Variants in SUN1 observed in about 807,000 individuals in gnomAD.
SUN1 encodes the protein SUN domain-containing protein 1.
In SUN1, 61 loss-of-function variants were observed where a neutral mutation model predicts 103.2. That is an observed-to-expected ratio of 0.59 (90% CI 0.48 to 0.73). The LOEUF (loss-of-function observed/expected upper bound fraction) is 0.73, where lower values mean the gene tolerates loss of function less well. Ranked by LOEUF, SUN1 falls within the 30% of genes least tolerant of loss-of-function variation. The pLI is 0.00. For missense variants in SUN1, 1,052 were observed against 1,034.6 expected (o/e 1.02, Z -0.23); for synonymous variants, 490 against 425.7 (o/e 1.15, Z -1.86).
At chr7:842,955 T>C in intron 3 of SUN1, 1 of 610,150 alleles carries the variant, frequency 1.6e-6, no homozygotes, top group Non-Finnish European at 2.9e-6. Context: ...CATGTTCTGC[T>C]TTCCTCCTTA....
intron 15 of SUN1, among the ~76,000 whole-genome samples, chr7:862,990 A>C (rs966691250): frequency 6.6e-6 from 1 of 152,082 alleles, no homozygotes; most frequent in Non-Finnish European, 1.5e-5. Flanking sequence ...AAAATACAAA[A>C]AATTAGCTGG....
chr7:850,121 T>G (rs1324742372), intron 5 of SUN1: 2 of 1,255,928 alleles, frequency 1.6e-6, no homozygotes, highest in African/African-American at 3.0e-5. Flanking sequence ...TTCAAGTGCT[T>G]TAAAGTCTTG....
chr7:841,927 T>A lies in SUN1; in HGVS notation c.267-19T>A, dbSNP rs1182786614. 2 of 1,608,132 alleles carry A rather than the reference T, an allele frequency of 1.2e-6. No individual in the cohort carries two copies. Among genetic ancestry groups the A allele is most frequent in the South Asian group, 2.2e-5 (2 of 90,750 alleles). ...TGCTAGAAAAGATCTATAAACTTGC[T>A]GTTTTTTTTTCTTCTTAGAACAACA... On this transcript the variant is annotated intron_variant, in intron 2 of 18. Coordinates refer to ENST00000401592, the MANE Select transcript of SUN1 (RefSeq NM_001130965.3).
In SUN1 at chr7:852,706, C is replaced by G. The variant is rs116445423; in HGVS notation, c.910+39C>G. The G allele has an allele frequency of 2.2e-3, 3,499 of 1,613,938 alleles. 85 individuals carry two copies. In the African/African-American group the frequency reaches 0.042, roughly 19 times the overall value. The stretch of plus-strand genomic sequence containing the variant: ...GGCTGAGTTGCCTCCGATGGCTAAG[C>G]GGTACACACATATGTGTAACTTAGT... On this transcript the variant is annotated intron_variant, in intron 8 of 18. Transcript: ENST00000401592.
chr7:824,190 G>T (rs572228137), intron 1 of SUN1, among the ~76,000 whole-genome samples: 1 of 152,330 alleles, frequency 6.6e-6, no homozygotes, highest in African/African-American at 2.4e-5. Context: ...GAAGAAGACA[G>T]ATCTCCGCAC....
intron 14 of SUN1, among the ~76,000 whole-genome samples, chr7:861,037 C>T (rs1169391349): frequency 6.6e-6 from 1 of 152,208 alleles, no homozygotes; most frequent in East Asian, 1.9e-4. Flanking sequence ...CTCAGTAATA[C>T]CTAAATTCCC....
In SUN1 at chr7:839,781, T is replaced by C. The variant is rs1404470274; in HGVS notation, c.266+795T>C. Among the ~76,000 whole-genome samples, 8 of 45,118 alleles carry C rather than the reference T, an allele frequency of 1.8e-4. 2 individuals carry two copies. Among genetic ancestry groups the C allele is most frequent in the African/African-American group, 6.4e-4 (8 of 12,422 alleles). 29.6% of individuals were successfully genotyped at this position (45,118 alleles called of 152,430 possible). ...GTTGGCCAGGCTGGTCTCGAACTCC[T>C]GGTCTCAGGTGATCCGCCCATTGCA... On this transcript the variant is annotated intron_variant, in intron 2 of 18. Transcript: ENST00000401592.
intron 1 of SUN1, among the ~76,000 whole-genome samples, chr7:833,825 T>C (rs1468883068): frequency 2.0e-5 from 3 of 152,182 alleles, no homozygotes; most frequent in Admixed American, 2.0e-4. Context: ...GCAGGCCAGC[T>C]CAGGGGAGAC....
intron 1 of SUN1, among the ~76,000 whole-genome samples, chr7:837,292 G>T (rs529640844): frequency 6.6e-6 from 1 of 152,194 alleles, no homozygotes; most frequent in African/African-American, 2.4e-5. Context: ...TCTGAGCAGC[G>T]GTCTGAAGCA....
chr7:849,865 G>A, intron 5 of SUN1: 1 of 1,534,248 alleles, frequency 6.5e-7, no homozygotes, highest in Non-Finnish European at 8.9e-7. Flanking sequence ...GCACGGCTGA[G>A]ATGGACAGAG....
At chr7:817,865 G>C (rs1782295199) in intron 1 of SUN1, among the ~76,000 whole-genome samples, 1 of 152,076 alleles carries the variant, frequency 6.6e-6, no homozygotes, top group African/African-American at 2.4e-5. Flanking sequence ...GTTTGGGCTG[G>C]AAGGCTTGGG....
In SUN1 at chr7:869,533, G is replaced by A. The variant is rs202146795; in HGVS notation, c.2148+17G>A. ...GCCGTCTATGTGAGTGCCCTTGGCC[G>A]ACCCTCCTCCTCCCACACCTTCCTG... On this transcript the variant is annotated intron_variant, in intron 17 of 18. Coordinates refer to ENST00000401592, the MANE Select transcript of SUN1 (RefSeq NM_001130965.3). 2.7e-3 allele frequency: 4,395 copies of A among 1,608,168 alleles called. 11 individuals carry two copies. The highest frequency in any genetic ancestry group is 3.9e-3 in the Middle Eastern group (21 of 5,326).
At chr7:826,396 G>A (rs768170975) in intron 1 of SUN1, among the ~76,000 whole-genome samples, 55 of 151,428 alleles carry the variant, frequency 3.6e-4, no homozygotes, top group Non-Finnish European at 7.4e-4. Context: ...TGCCCCGCTC[G>A]GTGTCTCTCG....
At position 856,282 on chromosome 7, in the gene SUN1, GTT is replaced by G. The variant is rs1827194843; in HGVS notation, c.1351-73_1351-72del. 5 of 1,466,184 alleles carry G rather than the reference GTT, an allele frequency of 3.4e-6. No homozygotes were observed. The South Asian group carries it at 3.4e-5, about 10-fold the overall frequency. 90.8% of individuals were successfully genotyped at this position (1,466,184 alleles called of 1,614,324 possible). The stretch of plus-strand genomic sequence containing the variant: ...GGGGTATTCCAGATAAATCAATGGA[GTT>G]TTAAGTATGTGGTTTTATGAAAAGT... On this transcript the variant is annotated intron_variant, in intron 11 of 18. Coordinates refer to ENST00000401592, the MANE Select transcript of SUN1 (RefSeq NM_001130965.3).
At chr7:829,745 G>A (rs922987584), upstream of SUN1, among the ~76,000 whole-genome samples, 2 of 151,944 alleles carry the variant, frequency 1.3e-5, no homozygotes, top group East Asian at 3.9e-4. Flanking sequence ...TAGTAAAGAC[G>A]GTGTTTCACT....
At chr7:863,581 C>T (rs758941053) in intron 15 of SUN1, among the ~76,000 whole-genome samples, 1 of 152,040 alleles carries the variant, frequency 6.6e-6, no homozygotes, top group Non-Finnish European at 1.5e-5. Flanking sequence ...ATTCGCGGTG[C>T]AGCCATCACC....
At chr7:856,816 C>G (rs544540770) in intron 12 of SUN1, among the ~76,000 whole-genome samples, 3 of 152,298 alleles carry the variant, frequency 2.0e-5, no homozygotes, top group Admixed American at 2.0e-4. Context: ...GGGGTTACAG[C>G]TCAGCCTCAT....
At chr7:830,474 G>A (rs1191317591), upstream of SUN1, among the ~76,000 whole-genome samples, 1 of 152,178 alleles carries the variant, frequency 6.6e-6, no homozygotes, top group Non-Finnish European at 1.5e-5. Flanking sequence ...CGCATATTTT[G>A]TACATAGATG....
In SUN1 at chr7:856,321, T is replaced by G; in HGVS notation, c.1351-37T>G. The G allele has an allele frequency of 3.7e-6, 6 of 1,601,234 alleles. No homozygotes were observed. In the South Asian group the frequency reaches 5.5e-5, roughly 15 times the overall value. On this transcript the variant is annotated intron_variant, in intron 11 of 18. Transcript: ENST00000401592. ...GTTTTATGAAAAGTTAATATATAAC[T>G]TATGTGTTTCAGTAGACTATTTCTC...
Sources: allele counts gnomAD v4.1 joint callset (sites outside exome capture counted in the v4.1 genomes callset), GRCh38; gene constraint gnomAD v4.1.1; transcripts MANE v1.5; gene names NCBI Gene and HGNC (gene_info 2026-07-23, HGNC 2026-07-21).